The following MED19 variants were observed in gnomAD, a reference collection of about 807,000 sequenced individuals.
The protein encoded by MED19 is mediator of RNA polymerase II transcription subunit 19.
In MED19, 4 loss-of-function variants were observed where a neutral mutation model predicts 19.9. The ratio of observed to expected loss-of-function variants is 0.20; its 90% CI spans 0.10 to 0.46. MED19 has a LOEUF of 0.46. MED19 is among the 20% of genes least tolerant of loss of function. The pLI, the probability that MED19 is intolerant of heterozygous loss-of-function variation, is 0.99. For missense variants in MED19, 303 were observed against 318.7 expected (o/e 0.95, Z 0.38); for synonymous variants, 139 against 119.6 (o/e 1.16, Z -1.06).
At chr11:57,711,979 G>A (rs1946630959) in exon 1 of MED19, 2 of 1,477,716 alleles carry the variant, frequency 1.4e-6, no homozygotes, top group South Asian at 1.3e-5. Context: ...GTTCCCTCAT[G>A]AGGTAAAAAG....
intron 1 of MED19, among the ~76,000 whole-genome samples, chr11:57,711,542 C>T (rs1455149100): frequency 3.9e-5 from 6 of 152,026 alleles, no homozygotes; most frequent in Admixed American, 1.3e-4. Flanking sequence ...TTTGTGGAGA[C>T]AGGGTTTCAT....
exon 5 of MED19, chr11:57,703,960 A>G (rs1231104720): frequency 6.6e-7 from 1 of 1,519,236 alleles, no homozygotes; most frequent in Non-Finnish European, 8.8e-7. Flanking sequence ...GCAGTGTCCA[A>G]GAGCCTGGAA....
chr11:57,708,069 A>T (rs1385516555), intron 1 of MED19, among the ~76,000 whole-genome samples: 1 of 152,020 alleles, frequency 6.6e-6, no homozygotes, highest in Admixed American at 6.6e-5. Flanking sequence ...CCTGGACTCA[A>T]GCTATCTGCC....
intron 3 of MED19, 150 bp from the exon 4 acceptor site, chr11:57,704,546 TC>T: frequency 6.3e-7 from 1 of 1,585,172 alleles, no homozygotes; most frequent in Non-Finnish European, 8.5e-7. Context: ...AGAGTCCCTG[TC>T]CCAAGTCCCA....
Position 57,705,160 on chromosome 11 carries a change from A to C in MED19, c.287T>G (p.Phe96Cys), listed in dbSNP as rs555196281. 3 of 1,614,152 alleles carry C rather than the reference A, an allele frequency of 1.9e-6. No homozygotes were observed. In the African/African-American group the frequency reaches 4.0e-5, roughly 22 times the overall value. Reference sequence around the variant, plus strand: ...CTTCTCCTTCACCTTCTTCCCACAGAATTTATTATAGGCTTGTTCCAAGTT... The same window carrying C: ...CTTCTCCTTCACCTTCTTCCCACAGCATTTATTATAGGCTTGTTCCAAGTT... Residue 96 changes from phenylalanine to cysteine, a missense_variant, in exon 2 of 5, where the codon TTC becomes TGC. This residue lies in a region of MED19 where 274 missense variants were observed against 259.2 expected (regional missense o/e 1.06). Coordinates refer to ENST00000431606, the Ensembl canonical transcript of MED19.
At chr11:57,711,586 T>G (rs772999750) in intron 1 of MED19, among the ~76,000 whole-genome samples, 6 of 152,048 alleles carry the variant, frequency 3.9e-5, no homozygotes, top group Non-Finnish European at 8.8e-5. Flanking sequence ...ACTCCTGACC[T>G]TAGGTGATTC....
chr11:57,708,504 G>A (rs556480077), intron 1 of MED19, among the ~76,000 whole-genome samples: 1 of 152,214 alleles, frequency 6.6e-6, no homozygotes, highest in African/African-American at 2.4e-5. Flanking sequence ...TCAAGGTCTA[G>A]CTCAAGTGAC....
exon 2 of MED19, chr11:57,705,107 C>T (rs140122347): frequency 6.2e-7 from 1 of 1,614,188 alleles, no homozygotes; most frequent in African/African-American, 1.3e-5. Flanking sequence ...TCAATCATCC[C>T]TGGCAGGTCA....
At chr11:57,709,265 G>A (rs527721585) in intron 1 of MED19, among the ~76,000 whole-genome samples, 2 of 151,338 alleles carry the variant, frequency 1.3e-5, no homozygotes, top group Admixed American at 6.6e-5. Flanking sequence ...CCTGTAATCC[G>A]AACTACTCGG....
intron 1 of MED19, 49 bp from the exon 2 acceptor site, chr11:57,705,278 C>G (rs1323909114): frequency 1.3e-6 from 2 of 1,591,942 alleles, no homozygotes; most frequent in South Asian, 1.1e-5. Context: ...CAAAGTAGAC[C>G]CAGGGAGTGA....
exon 5 of MED19, chr11:57,704,095 A>G (rs1946479591): frequency 6.5e-7 from 1 of 1,536,010 alleles, no homozygotes. Flanking sequence ...GGTGGTCTGG[A>G]CTATGTCGAT....
chr11:57,704,914 GA>G, intron 2 of MED19, 58 bp downstream of exon 2: 5 of 1,603,288 alleles, frequency 3.1e-6, no homozygotes, highest in Non-Finnish European at 4.3e-6. Flanking sequence ...GACTTGGAGA[GA>G]AAAACCATCT....
rs1192994353 is a variant in MED19, at chr11:57,710,943, C to T, written c.217+1020G>A. ...CTCCTGGGCTCAAGGGATTCTGCCT[C>T]GGCCTCCCAAAGCGCTGGGATTACA... is the stretch of plus-strand genomic sequence containing the variant. On this transcript the variant is annotated intron_variant, in intron 1 of 4. Coordinates refer to ENST00000431606, the Ensembl canonical transcript of MED19. Among the ~76,000 whole-genome samples, 7 of 152,196 alleles carry T rather than the reference C, an allele frequency of 4.6e-5. No homozygotes were observed. The East Asian group carries it at 1.2e-3, about 25-fold the overall frequency.
At chr11:57,711,966 G>C in exon 1 of MED19, 1 of 1,455,828 alleles carries the variant, frequency 6.9e-7, no homozygotes, top group Non-Finnish European at 9.1e-7. Flanking sequence ...TACTCACCTG[G>C]CAGTTCCCTC....
chr11:57,706,523 C>T (rs971335331), intron 1 of MED19, among the ~76,000 whole-genome samples: 3 of 152,202 alleles, frequency 2.0e-5, no homozygotes, highest in African/African-American at 4.8e-5. Flanking sequence ...GTAATCCCAG[C>T]ACTTCAGGAG....
chr11:57,704,439 T>A, intron 3 of MED19, 43 bp from the exon 4 acceptor site: 1 of 1,518,942 alleles, frequency 6.6e-7, no homozygotes, highest in Non-Finnish European at 8.8e-7. Flanking sequence ...AAGCTCAAAA[T>A]CCTCTACTGT....
At chr11:57,712,193 C>A in exon 1 of MED19, 1 of 1,509,808 alleles carries the variant, frequency 6.6e-7, no homozygotes, top group East Asian at 2.7e-5. Flanking sequence ...ACCCTCCGCC[C>A]CGGCGCTGTC....
chr11:57,706,839 G>GA (rs1389038270), intron 1 of MED19, among the ~76,000 whole-genome samples: 2 of 152,198 alleles, frequency 1.3e-5, no homozygotes, highest in African/African-American at 4.8e-5. Flanking sequence ...CTGTGGAATG[G>GA]AATAATAGCT....
Position 57,704,700 on chromosome 11 carries a change from G to GGTTTT in MED19, c.571+18_571+19insAAAAC. ...TTTTTTTTTTTTTTTTTTTTGCTTT[G>GGTTTT]AATAGAACTGCTTCTTACCTGGGGG... On this transcript the variant is annotated intron_variant, in intron 3 of 4. Transcript: ENST00000431606. 1 of 602,574 alleles carries GGTTTT rather than the reference G, an allele frequency of 1.7e-6. No individual in the cohort carries two copies. Among genetic ancestry groups the GGTTTT allele is most frequent in the Non-Finnish European group, 2.3e-6 (1 of 431,470 alleles). 37.3% of individuals were successfully genotyped at this position (602,574 alleles called of 1,614,324 possible).
Sources: allele counts gnomAD v4.1 joint callset (sites outside exome capture counted in the v4.1 genomes callset), GRCh38; gene constraint gnomAD v4.1.1; regional missense constraint gnomAD v4.1.1; transcripts MANE v1.5; gene names NCBI Gene and HGNC (gene_info 2026-07-23, HGNC 2026-07-21).